The following MTA3 variants were observed in gnomAD, a reference collection of about 807,000 sequenced individuals.
MTA3 encodes the protein metastasis-associated protein MTA3.
A neutral mutation model predicts 83.5 loss-of-function variants in MTA3; 34 were observed. The observed-to-expected ratio is 0.41, with a 90% CI of 0.31 to 0.54. The LOEUF (loss-of-function observed/expected upper bound fraction) is 0.54, where lower values mean the gene tolerates loss of function less well. MTA3 is among the 20% of genes least tolerant of loss of function. The probability of loss-of-function intolerance (pLI) is 0.33; values close to 1 mark genes in which losing one functional copy is unlikely to be tolerated. For missense variants in MTA3, 761 were observed against 726.4 expected (o/e 1.05, Z -0.55); for synonymous variants, 303 against 252.7 (o/e 1.20, Z -1.89).
At chr2:42,541,859 C>G (rs955594545) in intron 2 of MTA3, among the ~76,000 whole-genome samples, 1 of 152,192 alleles carries the variant, frequency 6.6e-6, no homozygotes. Context: ...TCCCTTCAGT[C>G]TCTTGTCCAG....
At chr2:42,742,122 A>G (rs953582187) in intron 16 of MTA3, among the ~76,000 whole-genome samples, 1 of 150,834 alleles carries the variant, frequency 6.6e-6, no homozygotes, top group Admixed American at 6.6e-5. Context: ...CCATAAAGCC[A>G]TCACTTTCTT....
intron 2 of MTA3, among the ~76,000 whole-genome samples, chr2:42,502,636 TA>T (rs1262861829): frequency 1.3e-5 from 2 of 151,822 alleles, no homozygotes; most frequent in Non-Finnish European, 2.9e-5. Flanking sequence ...TCGTCTCTAC[TA>T]AAAATACAAA....
intron 2 of MTA3, among the ~76,000 whole-genome samples, chr2:42,573,624 C>T (rs1678721810): frequency 6.6e-6 from 1 of 152,186 alleles, no homozygotes; most frequent in African/African-American, 2.4e-5. Context: ...AATTCTTCTG[C>T]CTCAGCCTCC....
At chr2:42,561,098 A>G (rs1158979092) in intron 2 of MTA3, among the ~76,000 whole-genome samples, 2 of 152,138 alleles carry the variant, frequency 1.3e-5, no homozygotes, top group African/African-American at 4.8e-5. Flanking sequence ...TGATCAGGTC[A>G]GGCTGCTTCC....
At chr2:42,526,281 TCTCAAACTCCTGTG>T (rs1160052013) in intron 2 of MTA3, among the ~76,000 whole-genome samples, 1 of 152,092 alleles carries the variant, frequency 6.6e-6, no homozygotes, top group Non-Finnish European at 1.5e-5. Context: ...CCCAAGCTGG[TCTCAAACTCCTGTG>T]CTCAAGCAAG....
chr2:42,621,139 T>G (rs1365260950), intron 4 of MTA3, among the ~76,000 whole-genome samples: 8 of 151,438 alleles, frequency 5.3e-5, no homozygotes, highest in African/African-American at 1.7e-4. Flanking sequence ...AGAGTTTTTT[T>G]TTTTTTTTTT....
chr2:42,581,845 C>A, intron 3 of MTA3: 1 of 219,380 alleles, frequency 4.6e-6, no homozygotes, highest in South Asian at 5.1e-5. Flanking sequence ...CGGCTCACTG[C>A]AACCTCCACC....
chr2:42,724,311 C>CACAG (rs1206560935), intron 16 of MTA3, among the ~76,000 whole-genome samples: 1 of 149,056 alleles, frequency 6.7e-6, no homozygotes, highest in African/African-American at 2.5e-5. Context: ...CACACACACA[C>CACAG]ACACACACAC....
At chr2:42,589,698 A>T (rs933719595) in intron 3 of MTA3, among the ~76,000 whole-genome samples, 3 of 152,122 alleles carry the variant, frequency 2.0e-5, no homozygotes, top group Non-Finnish European at 4.4e-5. Flanking sequence ...GATTACAGAT[A>T]TGTGCCACCA....
At chr2:42,531,343 A>C (rs563605802) in intron 2 of MTA3, among the ~76,000 whole-genome samples, 1 of 151,422 alleles carries the variant, frequency 6.6e-6, no homozygotes, top group Admixed American at 6.6e-5. Flanking sequence ...GCCCTTTTTC[A>C]TGCATGGTCA....
intron 4 of MTA3, among the ~76,000 whole-genome samples, chr2:42,633,986 A>G (rs1442721849): frequency 6.6e-6 from 1 of 152,204 alleles, no homozygotes; most frequent in Admixed American, 6.5e-5. Context: ...TTAATGTAGA[A>G]CAGTGATTCT....
intron 9 of MTA3, among the ~76,000 whole-genome samples, chr2:42,682,936 G>T (rs549767907): frequency 6.6e-6 from 1 of 152,244 alleles, no homozygotes; most frequent in South Asian, 2.1e-4. Context: ...GCTGGGCGTG[G>T]TGGCACGTGC....
chr2:42,687,630 C>T (rs1692506533), intron 9 of MTA3, among the ~76,000 whole-genome samples: 1 of 152,148 alleles, frequency 6.6e-6, no homozygotes, highest in Non-Finnish European at 1.5e-5. Flanking sequence ...TAAGAAACTA[C>T]CTTTGTTAGC....
At chr2:42,635,789 CAG>C (rs1460955695) in intron 4 of MTA3, among the ~76,000 whole-genome samples, 1 of 151,834 alleles carries the variant, frequency 6.6e-6, no homozygotes, top group Non-Finnish European at 1.5e-5. Flanking sequence ...TTTCCCAAGA[CAG>C]AATTTCACTC....
At chr2:42,697,899 A>C in intron 11 of MTA3, 65 bp downstream of exon 11, 9 of 1,209,600 alleles carry the variant, frequency 7.4e-6, no homozygotes, top group African/African-American at 1.6e-5. Flanking sequence ...AGAATATGTC[A>C]TTTTGTTCAG....
intron 8 of MTA3, among the ~76,000 whole-genome samples, chr2:42,663,452 C>T (rs1016698562): frequency 1.3e-5 from 2 of 152,174 alleles, no homozygotes; most frequent in Admixed American, 6.5e-5. Context: ...TACCTATATA[C>T]CTTAATTCCT....
Position 42,755,853 on chromosome 2 carries a change from G to T in MTA3, c.*2454G>T. ...ACATGCCCCTGGGGTGAGGACACAG[G>T]CTCTGCAGGCTATCTCCCCCTCTGG... On this transcript the variant is annotated 3_prime_UTR_variant, in exon 17 of 17. Transcript: ENST00000405094. 4 of 985,528 alleles carry T rather than the reference G, an allele frequency of 4.1e-6. No individual in the cohort carries two copies. Among genetic ancestry groups the T allele is most frequent in the Non-Finnish European group, 4.8e-6 (4 of 830,048 alleles). The allele number at this position is 985,528 out of a possible 1,614,324, so 61.0% of individuals were successfully genotyped here. A position where few individuals can be genotyped will look rare whatever the true frequency, so the allele number is the denominator to read the frequency against.
chr2:42,577,374 G>A (rs1317773885), intron 2 of MTA3, among the ~76,000 whole-genome samples: 2 of 151,574 alleles, frequency 1.3e-5, no homozygotes, highest in African/African-American at 4.9e-5. Flanking sequence ...TATGCTCCCC[G>A]CCCCCTAAGC....
At position 42,591,168 on chromosome 2, in the gene MTA3, GTACAAA is replaced by G. The variant is rs1383457899; in HGVS notation, c.190+11970_190+11975del. Among the ~76,000 whole-genome samples, 2 of 152,112 alleles carry G rather than the reference GTACAAA, an allele frequency of 1.3e-5. 1 individual carries two copies. Among genetic ancestry groups the G allele is most frequent in the African/African-American group, 4.8e-5 (2 of 41,416 alleles). On this transcript the variant is annotated intron_variant, in intron 3 of 16. Transcript: ENST00000405094. ...GTGGTATAGCCTATTTGTACTTAGG[GTACAAA>G]TCTGTACACATGTTATTGTATTGAA... is the stretch of plus-strand genomic sequence containing the variant.
Sources: allele counts gnomAD v4.1 joint callset (sites outside exome capture counted in the v4.1 genomes callset), GRCh38; gene constraint gnomAD v4.1.1; transcripts MANE v1.5; gene names NCBI Gene and HGNC (gene_info 2026-07-23, HGNC 2026-07-21).